Variants in PALM2AKAP2 observed in about 807,000 individuals in gnomAD.
The protein encoded by PALM2AKAP2 is PALM2-AKAP2 fusion protein.
In PALM2AKAP2, 37 loss-of-function variants were observed where a neutral mutation model predicts 71.5. That is an observed-to-expected ratio of 0.52 (90% CI 0.40 to 0.68). The LOEUF (loss-of-function observed/expected upper bound fraction) is 0.68. Among genes scored for constraint, PALM2AKAP2 ranks in the 30% least tolerant of loss-of-function variants. PALM2AKAP2 has a pLI of 0.00. For missense variants in PALM2AKAP2, 1,224 were observed against 1,191.8 expected (o/e 1.03, Z -0.40); for synonymous variants, 468 against 478.8 (o/e 0.98, Z 0.29).
chr9:109,787,704 A>G (rs999179001), intron 1 of PALM2AKAP2, among the ~76,000 whole-genome samples: 3 of 152,228 alleles, frequency 2.0e-5, no homozygotes, highest in African/African-American at 7.2e-5. Context: ...CATTTTCAAG[A>G]GAAGCCAGAA....
At chr9:109,929,176 TTTTTTTGTTTC>T (rs1418357061) in intron 5 of PALM2AKAP2, among the ~76,000 whole-genome samples, 1 of 148,568 alleles carries the variant, frequency 6.7e-6, no homozygotes, top group African/African-American at 2.5e-5. Context: ...GTAGTTTTTT[TTTTTTTGTTTC>T]TTTTTTAAAC....
intron 1 of PALM2AKAP2, chr9:110,048,952 TG>T: frequency 1.5e-6 from 2 of 1,378,176 alleles, no homozygotes; most frequent in Non-Finnish European, 1.9e-6. Flanking sequence ...GCTGGAAATC[TG>T]GGAGTCCTCG....
At chr9:110,014,466 C>T (rs184103620) in intron 6 of PALM2AKAP2, among the ~76,000 whole-genome samples, 201 of 151,936 alleles carry the variant, frequency 1.3e-3, no homozygotes, top group African/African-American at 4.6e-3. Context: ...AATAAACCTA[C>T]GGTTTTTAAA....
intron 6 of PALM2AKAP2, among the ~76,000 whole-genome samples, chr9:109,976,907 A>G (rs1832181555): frequency 2.0e-5 from 3 of 152,184 alleles, no homozygotes; most frequent in Admixed American, 2.0e-4. Flanking sequence ...CGCAGTGGGC[A>G]CTGCTCATCT....
At chr9:110,137,031 A>G (rs765159103) in exon 2 of PALM2AKAP2, 53 of 1,614,048 alleles carry the variant, frequency 3.3e-5, no homozygotes, top group Non-Finnish European at 4.1e-5. Context: ...CACAAAAAGT[A>G]CAAGGAGCGC....
chr9:109,946,208 A>G (rs1476381524), intron 6 of PALM2AKAP2: 1 of 152,182 alleles, frequency 6.6e-6, no homozygotes, highest in Non-Finnish European at 1.5e-5. Context: ...TGGAGCTGTG[A>G]TTATGAACAT....
intron 1 of PALM2AKAP2, among the ~76,000 whole-genome samples, chr9:109,762,344 C>T (rs529163378): frequency 1.3e-5 from 2 of 152,220 alleles, no homozygotes; most frequent in South Asian, 2.1e-4. Context: ...CTAGTGACAC[C>T]TGGATTCTAG....
intron 1 of PALM2AKAP2, among the ~76,000 whole-genome samples, chr9:109,841,421 T>C (rs1389264477): frequency 1.9e-4 from 27 of 142,068 alleles, no homozygotes; most frequent in Non-Finnish European, 3.0e-4. Flanking sequence ...ATGTAAATGA[T>C]GAGTTAATGG....
intron 1 of PALM2AKAP2, among the ~76,000 whole-genome samples, chr9:110,069,708 A>G (rs1037230706): frequency 6.6e-6 from 1 of 152,158 alleles, no homozygotes; most frequent in African/African-American, 2.4e-5. Flanking sequence ...TGAGGGAACA[A>G]CAGCTTCCAC....
intron 1 of PALM2AKAP2, among the ~76,000 whole-genome samples, chr9:109,694,859 G>T (rs893573142): frequency 4.5e-4 from 69 of 152,106 alleles, no homozygotes; most frequent in African/African-American, 1.5e-3. Flanking sequence ...AGGGAGTCCA[G>T]AAATACACCC....
chr9:110,069,910 C>T (rs1029126398), intron 1 of PALM2AKAP2, among the ~76,000 whole-genome samples: 8 of 152,180 alleles, frequency 5.3e-5, no homozygotes, highest in Admixed American at 2.6e-4. Flanking sequence ...CATAATCAGG[C>T]GGCTATTTCC....
chr9:110,067,680 G>A (rs1233895076), intron 1 of PALM2AKAP2, among the ~76,000 whole-genome samples: 1 of 152,150 alleles, frequency 6.6e-6, no homozygotes, highest in Non-Finnish European at 1.5e-5. Flanking sequence ...AAGTATCAAG[G>A]TCTCAACTTT....
At chr9:109,691,760 C>A (rs1411181859) in intron 1 of PALM2AKAP2, among the ~76,000 whole-genome samples, 3 of 147,234 alleles carry the variant, frequency 2.0e-5, no homozygotes, top group Admixed American at 6.9e-5. Flanking sequence ...TATTCAAATA[C>A]TGCCCATAGC....
chr9:110,010,783 T>C (rs1181620604), intron 6 of PALM2AKAP2, among the ~76,000 whole-genome samples: 4 of 148,690 alleles, frequency 2.7e-5, no homozygotes, highest in African/African-American at 9.8e-5. Flanking sequence ...GTGGATCACC[T>C]GAGGTCAAGA....
At chr9:110,091,459 C>CTTTTTTTTTTTTTTT (rs66848294) in intron 1 of PALM2AKAP2, among the ~76,000 whole-genome samples, 8 of 83,656 alleles carry the variant, frequency 9.6e-5, no homozygotes, top group Non-Finnish European at 1.3e-4. Flanking sequence ...GAGATTTATT[C>CTTTTTTTTTTTTTTT]TTTTTTTTTT....
At chr9:110,113,743 G>A (rs985980775) in intron 1 of PALM2AKAP2, among the ~76,000 whole-genome samples, 6 of 152,088 alleles carry the variant, frequency 3.9e-5, no homozygotes, top group Non-Finnish European at 8.8e-5. Context: ...ATGTTGGCCA[G>A]GCTGGTCTCG....
chr9:109,805,162 G>A (rs1827538179), intron 1 of PALM2AKAP2, among the ~76,000 whole-genome samples: 1 of 152,190 alleles, frequency 6.6e-6, no homozygotes, highest in Non-Finnish European at 1.5e-5. Flanking sequence ...AAGACATTGA[G>A]ACAAGGGGAT....
At chr9:110,006,911 C>T (rs889382546) in intron 6 of PALM2AKAP2, among the ~76,000 whole-genome samples, 1 of 152,058 alleles carries the variant, frequency 6.6e-6, no homozygotes, top group Non-Finnish European at 1.5e-5. Context: ...TTCCTCAACC[C>T]AGGGTTTATT....
At position 109,677,403 on chromosome 9, in the gene PALM2AKAP2, C is replaced by A. The variant is rs573843302; in HGVS notation, c.5+36537C>A. 1.2e-3 allele frequency among the ~76,000 whole-genome samples: 179 copies of A among 152,232 alleles called. 1 individual carries two copies. Among genetic ancestry groups the A allele is most frequent in the African/African-American group, 4.0e-3 (168 of 41,542 alleles). On this transcript the variant is annotated intron_variant, in intron 1 of 6. Coordinates refer to the PALM2AKAP2 transcript ENST00000374531. ...CCATACCAGGTTGGGCGCGGTGGCT[C>A]ATGCCTGTAATCCCAGCACTTTGGG...
Sources: gnomAD v4.1 joint callset for allele counts (sites outside exome capture counted in the v4.1 genomes callset) on GRCh38, gnomAD v4.1.1 for gene constraint, MANE v1.5 for transcripts, NCBI Gene and HGNC (gene_info 2026-07-23, HGNC 2026-07-21) for gene names.